GPC5: variants seen among roughly 807,000 people sequenced by gnomAD.
GPC5 encodes the protein glypican-5.
Under a neutral mutation model 53.9 loss-of-function variants are expected in GPC5, and 47 were observed. The ratio of observed to expected loss-of-function variants is 0.87; its 90% CI spans 0.69 to 1.11. GPC5 has a LOEUF of 1.11. GPC5 is among the 50% of genes most tolerant of loss of function. The probability of loss-of-function intolerance (pLI) is 0.00; values close to 1 mark genes in which losing one functional copy is unlikely to be tolerated. For missense variants in GPC5, 748 were observed against 713.1 expected, an observed-to-expected ratio of 1.05 and a Z score of -0.56; for synonymous variants, 286 against 263.3, an observed-to-expected ratio of 1.09 and a Z score of -0.84.
At chr13:92,447,880 A>T (rs1360574899) in intron 7 of GPC5, 2 of 152,134 alleles carry the variant, frequency 1.3e-5, no homozygotes, top group East Asian at 3.8e-4. Context: ...TTCTAAGTAC[A>T]ATTAACTATG....
chr13:92,038,905 T>A, intron 6 of GPC5, among the ~76,000 whole-genome samples: 1 of 152,178 alleles, frequency 6.6e-6, no homozygotes, highest in Middle Eastern at 3.4e-3. Context: ...GAAGAACGCA[T>A]CTAAGGAGGT....
rs140950158 is a variant in GPC5, at chr13:91,621,269, G to T, written c.326-71918G>T. 2.9e-3 allele frequency among the ~76,000 whole-genome samples: 434 copies of T among 152,136 alleles called. 1 individual carries two copies. Among genetic ancestry groups the T allele is most frequent in the African/African-American group, 0.01 (423 of 41,536 alleles). On this transcript the variant is annotated intron_variant, in intron 2 of 7. Transcript: ENST00000377067. ...AGAAGTCACCGACTATTAAAAATAG[G>T]TATCTGTTTTATTTGCCTGCCTCAT...
chr13:92,427,176 A>C (rs1876874258), intron 7 of GPC5, among the ~76,000 whole-genome samples: 1 of 151,688 alleles, frequency 6.6e-6, no homozygotes, highest in African/African-American at 2.4e-5. Context: ...ATTTATCAGA[A>C]TATAGCAGGT....
At chr13:92,132,017 G>A (rs1594775811) in intron 6 of GPC5, among the ~76,000 whole-genome samples, 6 of 152,096 alleles carry the variant, frequency 3.9e-5, no homozygotes, top group African/African-American at 1.4e-4. Flanking sequence ...CAGTTCAATT[G>A]TCCACCAAGG....
chr13:91,648,225 T>A (rs146305622), intron 2 of GPC5, among the ~76,000 whole-genome samples: 14 of 152,316 alleles, frequency 9.2e-5, no homozygotes, highest in African/African-American at 3.1e-4. Context: ...ACAAATTGAT[T>A]TTATGTCAGG....
intron 2 of GPC5, among the ~76,000 whole-genome samples, chr13:91,672,440 T>C (rs897782971): frequency 5.9e-5 from 9 of 151,942 alleles, no homozygotes; most frequent in Non-Finnish European, 1.3e-4. Flanking sequence ...GAACAGGCAC[T>C]TCTCAAAAGA....
intron 5 of GPC5, among the ~76,000 whole-genome samples, chr13:91,861,299 A>T (rs1594624058): frequency 6.6e-6 from 1 of 152,222 alleles, no homozygotes; most frequent in African/African-American, 2.4e-5. Flanking sequence ...TCAGTGATGA[A>T]CAAAGGGATG....
At chr13:91,716,872 A>T (rs373515281) in intron 3 of GPC5, among the ~76,000 whole-genome samples, 7 of 152,310 alleles carry the variant, frequency 4.6e-5, no homozygotes, top group African/African-American at 1.7e-4. Context: ...CCAACAAATG[A>T]GTTATTGAGA....
At chr13:92,332,977 A>C (rs547021834) in intron 7 of GPC5, among the ~76,000 whole-genome samples, 40 of 152,344 alleles carry the variant, frequency 2.6e-4, no homozygotes, top group African/African-American at 9.4e-4. Context: ...GATGGAAAAC[A>C]GTTGTCTTCA....
At chr13:92,718,106 T>C (rs1325308771) in intron 7 of GPC5, among the ~76,000 whole-genome samples, 1 of 152,178 alleles carries the variant, frequency 6.6e-6, no homozygotes, top group East Asian at 1.9e-4. Context: ...CTAGTGGGAA[T>C]GTAAATTAGC....
chr13:91,955,781 G>A (rs1433469191), intron 6 of GPC5, among the ~76,000 whole-genome samples: 1 of 152,194 alleles, frequency 6.6e-6, no homozygotes, highest in Non-Finnish European at 1.5e-5. Flanking sequence ...GGTGCCATTT[G>A]AGATCTCAGT....
At chr13:92,335,891 T>C (rs1057112776) in intron 7 of GPC5, among the ~76,000 whole-genome samples, 1 of 152,170 alleles carries the variant, frequency 6.6e-6, no homozygotes, top group East Asian at 1.9e-4. Context: ...CTTTCCAACC[T>C]CTTCATGTCT....
At chr13:92,767,994 T>C (rs185323480) in intron 7 of GPC5, among the ~76,000 whole-genome samples, 2 of 152,338 alleles carry the variant, frequency 1.3e-5, no homozygotes, top group East Asian at 1.9e-4. Context: ...GTAATACATG[T>C]AGAAACACTT....
At chr13:91,534,662 G>A (rs1191758911) in intron 2 of GPC5, among the ~76,000 whole-genome samples, 5 of 152,168 alleles carry the variant, frequency 3.3e-5, no homozygotes, top group Admixed American at 3.3e-4. Context: ...TTAAAATTGG[G>A]CATTGGGAGA....
intron 1 of GPC5, among the ~76,000 whole-genome samples, chr13:91,424,306 T>C (rs2138996585): frequency 6.6e-6 from 1 of 152,058 alleles, no homozygotes; most frequent in African/African-American, 2.4e-5. Flanking sequence ...TGACTTTTTT[T>C]TTTGGTGGTG....
chr13:91,600,009 C>T (rs1242727306), intron 2 of GPC5, among the ~76,000 whole-genome samples: 2 of 151,838 alleles, frequency 1.3e-5, no homozygotes, highest in East Asian at 3.9e-4. Flanking sequence ...GCCACCTCTG[C>T]CTCCTGGGTT....
In GPC5 at chr13:92,705,516, GA is replaced by G. The variant is rs546725429; in HGVS notation, c.1562-160760del. 1.4e-3 allele frequency among the ~76,000 whole-genome samples: 217 copies of G among 151,998 alleles called. 1 individual carries two copies. The highest frequency in any genetic ancestry group is 4.9e-3 in the African/African-American group (202 of 41,486). ...CAGCAGAATTTAAAGACATAATATA[GA>G]AAAAATAAGAATGTAAAAATCTCAT... On this transcript the variant is annotated intron_variant, in intron 7 of 7. Coordinates refer to ENST00000377067, the MANE Select transcript of GPC5 (RefSeq NM_004466.6).
intron 2 of GPC5, among the ~76,000 whole-genome samples, chr13:91,588,727 T>C (rs1036843232): frequency 5.3e-5 from 8 of 152,114 alleles, no homozygotes; most frequent in African/African-American, 1.9e-4. Flanking sequence ...TCTTTCTTCT[T>C]TACCTTTATA....
At chr13:91,968,406 A>G (rs749005780) in intron 6 of GPC5, among the ~76,000 whole-genome samples, 24 of 152,174 alleles carry the variant, frequency 1.6e-4, no homozygotes, top group Non-Finnish European at 2.1e-4. Flanking sequence ...AACTGTGTTG[A>G]AATTTAATAT....
Sources: gnomAD v4.1 joint callset for allele counts (sites outside exome capture counted in the v4.1 genomes callset) on GRCh38, gnomAD v4.1.1 for gene constraint, MANE v1.5 for transcripts, NCBI Gene and HGNC (gene_info 2026-07-23, HGNC 2026-07-21) for gene names.